Variants in PRDM11 observed in about 807,000 individuals in gnomAD.
PRDM11 encodes PR domain-containing protein 11.
PRDM11 carries 20 observed loss-of-function variants against 97.8 expected under a neutral mutation model. That is an observed-to-expected ratio of 0.20 (90% CI 0.14 to 0.30). The LOEUF is 0.30. PRDM11 is among the 10% of genes least tolerant of loss of function. The pLI is 1.00. For synonymous variants in PRDM11, 599 were observed against 637.7 expected (o/e 0.94, Z 0.91); for missense variants, 1,139 against 1,555.2 (o/e 0.73, Z 4.50).
intron 4 of PRDM11, among the ~76,000 whole-genome samples, chr11:45,197,846 G>A (rs1489418529): frequency 6.6e-6 from 1 of 151,990 alleles, no homozygotes; most frequent in African/African-American, 2.4e-5. Flanking sequence ...ACGGGGTGGG[G>A]AACATCACAC....
chr11:45,220,021 C>G lies in PRDM11; in HGVS notation c.742+264C>G, dbSNP rs571021039. On this transcript the variant is annotated intron_variant, in intron 6 of 7. Transcript: ENST00000683152. Reference sequence around the variant, plus strand: ...TTCATGAGAGAGACGCCCCCAAAACCGAGCAAATATGTTTAATCAAAATGT... The same window carrying G: ...TTCATGAGAGAGACGCCCCCAAAACGGAGCAAATATGTTTAATCAAAATGT... Among the ~76,000 whole-genome samples, 6 of 152,240 alleles carry G rather than the reference C, an allele frequency of 3.9e-5. No individual in the cohort carries two copies. The South Asian group carries it at 1.2e-3, about 32-fold the overall frequency.
At chr11:45,150,339 T>C (rs766620318) in intron 1 of PRDM11, among the ~76,000 whole-genome samples, 2 of 152,196 alleles carry the variant, frequency 1.3e-5, no homozygotes, top group East Asian at 1.9e-4. Context: ...TTCCCACTTA[T>C]TGGTGTAATG....
rs572320840 is a variant in PRDM11, at chr11:45,128,144, C to T, written c.96+32243C>T. 9.9e-4 allele frequency among the ~76,000 whole-genome samples: 150 copies of T among 152,284 alleles called. 1 individual carries two copies. The highest frequency in any genetic ancestry group is 3.3e-3 in the African/African-American group (136 of 41,554). On this transcript the variant is annotated intron_variant, in intron 1 of 6. Transcript: ENST00000530656. Reference sequence around the variant, plus strand: ...GAGACTCTGTGGGCGTAGGACCCTCCGAGCCATGTGCAGGATATAATCTCC... The same window carrying T: ...GAGACTCTGTGGGCGTAGGACCCTCTGAGCCATGTGCAGGATATAATCTCC...
At position 45,196,828 on chromosome 11, in the gene PRDM11, G is replaced by A. The variant is rs1051113884; in HGVS notation, c.487-7883G>A. On this transcript the variant is annotated intron_variant, in intron 4 of 7. Coordinates refer to ENST00000683152, the MANE Select transcript of PRDM11 (RefSeq NM_001384648.1). ...TGAGTTGGTTATAGGCTCTGTTCCT[G>A]GATTCCGATCCTGGCTCTACCACCT... 2.6e-5 allele frequency among the ~76,000 whole-genome samples: 4 copies of A among 152,134 alleles called. No individual in the cohort carries two copies. The East Asian group carries it at 7.7e-4, about 29-fold the overall frequency.
At chr11:45,158,689 G>A (rs1315502241) in intron 1 of PRDM11, among the ~76,000 whole-genome samples, 1 of 152,072 alleles carries the variant, frequency 6.6e-6, no homozygotes, top group Non-Finnish European at 1.5e-5. Flanking sequence ...TGGGGAGCAG[G>A]CCCTGGGACA....
rs191330456 is a variant in PRDM11 at position 45,154,691 on chromosome 11, A to G, written c.-7+7814A>G. Among the ~76,000 whole-genome samples, 3 of 152,234 alleles carry G rather than the reference A, an allele frequency of 2.0e-5. No individual in the cohort carries two copies. In the East Asian group the frequency reaches 5.8e-4, roughly 30 times the overall value. ...CTGTCTCCCCTACCTCATCCGATCC[A>G]TAAGAGCAACCAGAACTCTCCTCCT... On this transcript the variant is annotated intron_variant, in intron 1 of 7. Transcript: ENST00000683152.
chr11:45,200,308 A>G (rs887652764), intron 4 of PRDM11, among the ~76,000 whole-genome samples: 1 of 152,202 alleles, frequency 6.6e-6, no homozygotes, highest in African/African-American at 2.4e-5. Context: ...AAGACTGATT[A>G]CAACTCAGTG....
chr11:45,137,019 T>G (rs1031922997), intron 1 of PRDM11, among the ~76,000 whole-genome samples: 7 of 148,962 alleles, frequency 4.7e-5, no homozygotes, highest in Middle Eastern at 3.5e-3. Flanking sequence ...AAAAATTAGC[T>G]GGGTGTGGTG....
At chr11:45,212,356 G>A (rs191852059) in intron 5 of PRDM11, 157 of 339,200 alleles carry the variant, frequency 4.6e-4, no homozygotes, top group African/African-American at 3.2e-3. Context: ...CTAGACCGCA[G>A]GGTGGCAGGG....
chr11:45,224,147 T>C (rs1854195891), intron 6 of PRDM11, 70 bp from the exon 7 acceptor site: 3 of 1,502,306 alleles, frequency 2.0e-6, no homozygotes, highest in Non-Finnish European at 2.7e-6. Flanking sequence ...GGAGGCCTGC[T>C]TTGTTTTCTG....
At chr11:45,217,688 T>C (rs756100662) in intron 5 of PRDM11, among the ~76,000 whole-genome samples, 6 of 152,176 alleles carry the variant, frequency 3.9e-5, no homozygotes, top group African/African-American at 9.7e-5. Context: ...CCTCCCAGGC[T>C]CTCCAGATGA....
chr11:45,226,917 G>C lies in PRDM11; in HGVS notation c.2292G>C (p.Arg764=). 1 of 1,533,952 alleles carries C rather than the reference G, an allele frequency of 6.5e-7. No homozygotes were observed. Among genetic ancestry groups the C allele is most frequent in the Non-Finnish European group, 8.7e-7 (1 of 1,146,748 alleles). ...WLLCLPFMVH[R]PHLEILDAIS... ...TGTGCCTGCCCTTCATGGTGCACCG[G>C]CCCCACCTGGAGATCCTGGATGCCA... Residue 764 remains arginine, a synonymous_variant, in exon 8 of 8, where the codon CGG becomes CGC. Transcript: ENST00000683152.
In PRDM11 at chr11:45,204,660, A is replaced by G. The variant is rs372934520; in HGVS notation, c.487-51A>G. The G allele has an allele frequency of 1.7e-5, 26 of 1,537,556 alleles. No homozygotes were observed. The African/African-American group carries it at 3.3e-4, about 19-fold the overall frequency. ...CCTGGTTGGGAAGGAGCCCAGGGAC[A>G]TGAGAACCCCTCTAGAATGGCCCAT... On this transcript the variant is annotated intron_variant, in intron 4 of 7. Transcript: ENST00000683152.
At chr11:45,100,101 C>T (rs912433961) in intron 1 of PRDM11, among the ~76,000 whole-genome samples, 10 of 152,132 alleles carry the variant, frequency 6.6e-5, no homozygotes, top group African/African-American at 2.4e-4. Flanking sequence ...ATTCTGAATG[C>T]ATCAACACAT....
At chr11:45,131,804 A>G (rs1447324065) in intron 1 of PRDM11, among the ~76,000 whole-genome samples, 2 of 152,222 alleles carry the variant, frequency 1.3e-5, no homozygotes, top group African/African-American at 4.8e-5. Flanking sequence ...TTTCTAAAAT[A>G]AGGGCAGATT....
intron 1 of PRDM11, among the ~76,000 whole-genome samples, chr11:45,099,356 C>A (rs1330172060): frequency 6.7e-6 from 1 of 150,134 alleles, no homozygotes; most frequent in African/African-American, 2.5e-5. Flanking sequence ...GAGGCTGAGG[C>A]AGGAGAATTG....
intron 5 of PRDM11, among the ~76,000 whole-genome samples, chr11:45,208,499 C>T (rs905578517): frequency 6.6e-6 from 1 of 152,210 alleles, no homozygotes; most frequent in African/African-American, 2.4e-5. Context: ...AAGCCCCTTA[C>T]ATCATGATGT....
chr11:45,097,894 A>G (rs1851911192), intron 1 of PRDM11, among the ~76,000 whole-genome samples: 1 of 152,238 alleles, frequency 6.6e-6, no homozygotes, highest in Non-Finnish European at 1.5e-5. Context: ...AGGAATTTGG[A>G]AGGCAGGGGA....
intron 1 of PRDM11, among the ~76,000 whole-genome samples, chr11:45,111,662 A>G (rs936357456): frequency 1.5e-4 from 23 of 152,252 alleles, no homozygotes; most frequent in Non-Finnish European, 2.9e-4. Context: ...TTTCCTCACT[A>G]TTACACCTAA....
Sources: allele counts gnomAD v4.1 joint callset (sites outside exome capture counted in the v4.1 genomes callset), GRCh38; gene constraint gnomAD v4.1.1; transcripts MANE v1.5; gene names NCBI Gene and HGNC (gene_info 2026-07-23, HGNC 2026-07-21).